The following MYH14 variants were observed in gnomAD, a reference collection of about 807,000 sequenced individuals.
MYH14 encodes myosin heavy chain 14.
Under a neutral mutation model 255.5 loss-of-function variants are expected in MYH14, and 123 were observed. That is an observed-to-expected ratio of 0.48 (90% CI 0.42 to 0.56). The LOEUF is 0.56. Among genes scored for constraint, MYH14 ranks in the 20% least tolerant of loss-of-function variants. The pLI is 0.00. For missense variants in MYH14, 2,423 were observed against 2,802.3 expected, an observed-to-expected ratio of 0.86 and a Z score of 3.06; for synonymous variants, 1,095 against 1,161.2, an observed-to-expected ratio of 0.94 and a Z score of 1.16.
At chr19:50,212,859 G>C (rs961370932) in intron 2 of MYH14, among the ~76,000 whole-genome samples, 29 of 152,234 alleles carry the variant, frequency 1.9e-4, no homozygotes, top group Admixed American at 2.6e-4. Flanking sequence ...CCCTGGAAAA[G>C]AGGCCTCTAC....
chr19:50,214,364 T>G (rs1467666993), intron 2 of MYH14, among the ~76,000 whole-genome samples: 2 of 152,138 alleles, frequency 1.3e-5, no homozygotes, highest in African/African-American at 4.8e-5. Flanking sequence ...GATGGTGGTG[T>G]TGTCCAGTGA....
intron 35 of MYH14, 87 bp downstream of exon 35, chr19:50,289,735 C>T (rs2036007036): frequency 8.1e-7 from 1 of 1,227,904 alleles, no homozygotes; most frequent in East Asian, 2.6e-5. Flanking sequence ...AGCAAGGGGT[C>T]TCCCCGACCC....
At chr19:50,240,827 C>A (rs982203414) in intron 10 of MYH14, among the ~76,000 whole-genome samples, 1 of 151,432 alleles carries the variant, frequency 6.6e-6, no homozygotes, top group Non-Finnish European at 1.5e-5. Flanking sequence ...ACAAAAAAAC[C>A]CAAAAAAACA....
At chr19:50,300,137 G>T (rs1401386420) in intron 39 of MYH14, among the ~76,000 whole-genome samples, 1 of 152,130 alleles carries the variant, frequency 6.6e-6, no homozygotes, top group Admixed American at 6.5e-5. Context: ...TTTTCATTAG[G>T]AGTAGTGCAT....
At chr19:50,294,728 C>G (rs1336316052) in intron 39 of MYH14, among the ~76,000 whole-genome samples, 2 of 98,160 alleles carry the variant, frequency 2.0e-5, no homozygotes, top group Non-Finnish European at 4.8e-5. Flanking sequence ...CAGAGTGAGA[C>G]CCTGTCTCAA....
intron 39 of MYH14, among the ~76,000 whole-genome samples, chr19:50,297,624 A>T (rs1348129831): frequency 3.4e-5 from 5 of 148,092 alleles, no homozygotes; most frequent in African/African-American, 1.2e-4. Context: ...CAACCTCCCG[A>T]GTAGCTGGAT....
At chr19:50,228,820 C>T (rs139383793) in intron 8 of MYH14, among the ~76,000 whole-genome samples, 109 of 152,300 alleles carry the variant, frequency 7.2e-4, no homozygotes, top group Admixed American at 6.3e-3. Flanking sequence ...GCTGTGGTCC[C>T]GGCTGTCTCA....
chr19:50,214,990 A>G (rs2032395331), intron 2 of MYH14, among the ~76,000 whole-genome samples: 1 of 151,792 alleles, frequency 6.6e-6, no homozygotes, highest in African/African-American at 2.4e-5. Flanking sequence ...AACTGAGACT[A>G]TGGGGAAAGT....
rs1380347418 is a variant in MYH14, at chr19:50,220,578, CAG to C, written c.563-2502_563-2501del. 2.7e-5 allele frequency among the ~76,000 whole-genome samples: 4 copies of C among 150,376 alleles called. No individual in the cohort carries two copies. In the South Asian group the frequency reaches 6.3e-4, roughly 24 times the overall value. On this transcript the variant is annotated intron_variant, in intron 3 of 42. Transcript: ENST00000642316. ...ATTATGCTTATTTTTTTTTTTGAGA[CAG>C]AGTCTCACTCTGTCACCCAAGCTGG...
At chr19:50,219,811 T>C (rs1450768012) in intron 3 of MYH14, among the ~76,000 whole-genome samples, 2 of 152,216 alleles carry the variant, frequency 1.3e-5, no homozygotes, top group African/African-American at 4.8e-5. Flanking sequence ...AATGCCCTTA[T>C]TATATATTTG....
intron 41 of MYH14, 58 bp downstream of exon 41, chr19:50,307,215 G>A: frequency 9.2e-7 from 1 of 1,086,262 alleles, no homozygotes; most frequent in Non-Finnish European, 1.4e-6. Flanking sequence ...CTGAGAAATT[G>A]CACAGGCTGT....
At position 50,245,894 on chromosome 19, in the gene MYH14, CTT is replaced by C. The variant is rs1275956723; in HGVS notation, c.1211-1107_1211-1106del. On this transcript the variant is annotated intron_variant, in intron 11 of 42. Coordinates refer to ENST00000642316, the MANE Select transcript of MYH14 (RefSeq NM_001145809.2). Reference sequence around the variant, plus strand: ...TTTCCCCTGAATGCTTTCGGGATAACTTTTCAGGTTATTCACAAGAAACTCTA... The same window carrying C: ...TTTCCCCTGAATGCTTTCGGGATAACTTCAGGTTATTCACAAGAAACTCTA... Among the ~76,000 whole-genome samples, 6 of 152,096 alleles carry C rather than the reference CTT, an allele frequency of 3.9e-5. No individual in the cohort carries two copies. The East Asian group carries it at 7.7e-4, about 20-fold the overall frequency.
chr19:50,271,719 G>T, intron 25 of MYH14, 130 bp from the exon 26 acceptor site: 1 of 1,476,412 alleles, frequency 6.8e-7, no homozygotes. Context: ...GGTGTAGGGG[G>T]AGGAAGGTCA....
intron 14 of MYH14, 89 bp downstream of exon 14, chr19:50,249,912 C>T: frequency 6.6e-7 from 1 of 1,522,618 alleles, no homozygotes. Context: ...TCCTCCTCTG[C>T]TGGGCCTCAG....
At chr19:50,239,278 C>T (rs2033796764) in intron 10 of MYH14, among the ~76,000 whole-genome samples, 1 of 152,214 alleles carries the variant, frequency 6.6e-6, no homozygotes, top group African/African-American at 2.4e-5. Flanking sequence ...CTCGGCCTCC[C>T]GAAGTGCTGC....
chr19:50,273,599 G>T lies in MYH14; in HGVS notation c.3467+868G>T, dbSNP rs966800789. ...GCATCTTAGAGTTGATGGAACATGG[G>T]GGGTGTGTGTGTGTGTGTGTGTGTG... On this transcript the variant is annotated intron_variant, in intron 27 of 42. Transcript: ENST00000642316. Among the ~76,000 whole-genome samples the T allele has an allele frequency of 9.7e-5, 8 of 82,292 alleles. No individual in the cohort carries two copies. The East Asian group carries it at 9.9e-4, about 10-fold the overall frequency. The allele number at this position is 82,292 out of a possible 152,430, so 54.0% of individuals were successfully genotyped here.
chr19:50,224,148 C>T lies in MYH14; in HGVS notation c.694-6C>T, dbSNP rs1236042130. The T allele has an allele frequency of 1.9e-6, 3 of 1,611,900 alleles. No individual in the cohort carries two copies. Among genetic ancestry groups the T allele is most frequent in the South Asian group, 2.2e-5 (2 of 91,024 alleles). On this transcript the variant is annotated splice_region_variant and splice_polypyrimidine_tract_variant and intron_variant, in intron 5 of 42. Coordinates refer to ENST00000642316, the MANE Select transcript of MYH14 (RefSeq NM_001145809.2). ...GTCCGTGTCTCGTGTCCCGTGACTTCCTCAGGCCTCCGTCAGCACCGTGTC... is the reference window on the plus strand; with the variant it reads ...GTCCGTGTCTCGTGTCCCGTGACTTTCTCAGGCCTCCGTCAGCACCGTGTC...
chr19:50,254,005 G>T (rs2034498111), intron 16 of MYH14, among the ~76,000 whole-genome samples: 1 of 152,160 alleles, frequency 6.6e-6, no homozygotes, highest in Non-Finnish European at 1.5e-5. Context: ...GTCACCTGAG[G>T]TCGGGAGTTT....
At chr19:50,226,759 G>A in intron 7 of MYH14, 144 bp from the exon 8 acceptor site, 1 of 749,472 alleles carries the variant, frequency 1.3e-6, no homozygotes, top group Non-Finnish European at 2.3e-6. Flanking sequence ...ACTCACCACA[G>A]GATGGGGTTC....
Sources: gnomAD v4.1 joint callset for allele counts (sites outside exome capture counted in the v4.1 genomes callset) on GRCh38, gnomAD v4.1.1 for gene constraint, MANE v1.5 for transcripts, NCBI Gene and HGNC (gene_info 2026-07-23, HGNC 2026-07-21) for gene names.